SIK3: variants seen among roughly 807,000 people sequenced by gnomAD.
SIK3 encodes the protein serine/threonine-protein kinase SIK3.
A neutral mutation model predicts 144.2 loss-of-function variants in SIK3; 28 were observed. That is an observed-to-expected ratio of 0.19 (90% confidence interval 0.14 to 0.27). The LOEUF (loss-of-function observed/expected upper bound fraction) is 0.27. SIK3 is among the 10% of genes least tolerant of loss of function. The pLI, the probability that SIK3 is intolerant of heterozygous loss-of-function variation, is 1.00. For missense variants in SIK3, 1,319 were observed against 1,776.0 expected (o/e 0.74, Z 4.62); for synonymous variants, 686 against 676.3 (o/e 1.01, Z -0.22).
At chr11:116,920,409 C>T (rs774277025) in intron 4 of SIK3, among the ~76,000 whole-genome samples, 2 of 152,098 alleles carry the variant, frequency 1.3e-5, no homozygotes, top group Non-Finnish European at 2.9e-5. Flanking sequence ...CTTCTTTCTG[C>T]GTGGAATGTT....
chr11:117,046,043 G>C (rs1265070249), intron 1 of SIK3, among the ~76,000 whole-genome samples: 2 of 152,222 alleles, frequency 1.3e-5, no homozygotes, highest in Non-Finnish European at 2.9e-5. Context: ...ACTAGACAAT[G>C]AGAGAAAGCC....
In SIK3 at chr11:116,992,238, T is replaced by C. The variant is rs1950521271; in HGVS notation, c.274-35174A>G. ...TACTCAGGAGGCTGAGGCAAGAGAA[T>C]TGCTTGAACCCAGGAGGTGGAGGCT... On this transcript the variant is annotated intron_variant, in intron 1 of 24. Transcript: ENST00000445177. Among the ~76,000 whole-genome samples, 3 of 151,266 alleles carry C rather than the reference T, an allele frequency of 2.0e-5. No individual in the cohort carries two copies. The South Asian group carries it at 6.3e-4, about 32-fold the overall frequency.
chr11:116,976,859 TAAC>T (rs981546801), intron 1 of SIK3, among the ~76,000 whole-genome samples: 89 of 152,186 alleles, frequency 5.8e-4, no homozygotes, highest in African/African-American at 1.7e-3. Context: ...ATTAGCAAAA[TAAC>T]AACAGGTAAA....
At chr11:117,020,277 T>C (rs12808524) in intron 1 of SIK3, among the ~76,000 whole-genome samples, 67,370 of 122,014 alleles carry the variant, frequency 0.55, 19,223 homozygotes, top group Non-Finnish European at 0.69. Context: ...GGTTCCTGGC[T>C]TAAAGCTCCT....
chr11:116,858,385 A>C lies in SIK3; in HGVS notation c.3080T>G (p.Leu1027Arg). ...CAGCCGGATGTCCGAGTGGCCGGTGAGCGAATGCCGGGGAGAAAGCAGTCC... is the reference window on the plus strand; with the variant it reads ...CAGCCGGATGTCCGAGTGGCCGGTGCGCGAATGCCGGGGAGAAAGCAGTCC... ...LQGLLSPRHS[L>R]TGHSDIRLPP... is the part of the protein sequence containing the mutation. The change falls in exon 21 of 25, where the codon CTC (leucine) becomes CGC (arginine). Residue 1027 changes from leucine (L) to arginine (R), a missense_variant. This residue lies in a region of SIK3 where 646 missense variants were observed against 763.7 expected (regional missense o/e 0.85). Transcript: ENST00000445177. This position sits in a 1 kb window ranked among gnomAD's most constrained non-coding sequence, Gnocchi z 5.4. 2 of 1,613,548 alleles carry C rather than the reference A, an allele frequency of 1.2e-6. No individual in the cohort carries two copies. Among genetic ancestry groups the C allele is most frequent in the Non-Finnish European group, 1.7e-6 (2 of 1,179,760 alleles).
At chr11:117,089,180 C>A (rs1174766976) in intron 1 of SIK3, among the ~76,000 whole-genome samples, 2 of 151,940 alleles carry the variant, frequency 1.3e-5, no homozygotes, top group African/African-American at 4.8e-5. Flanking sequence ...CTGAGGCGGG[C>A]AGATCACGAG....
chr11:116,991,811 T>C (rs924624323), intron 1 of SIK3, among the ~76,000 whole-genome samples: 1 of 152,174 alleles, frequency 6.6e-6, no homozygotes, highest in Non-Finnish European at 1.5e-5. Flanking sequence ...CAATCTCCTA[T>C]CACCAGGTCT....
At chr11:116,950,237 T>C (rs1411081358) in intron 3 of SIK3, 3 of 450,188 alleles carry the variant, frequency 6.7e-6, no homozygotes, top group East Asian at 7.4e-5. Context: ...AGAATGAGAA[T>C]TGCTGATGTC....
chr11:116,898,359 T>G (rs1945541267), intron 4 of SIK3, among the ~76,000 whole-genome samples: 1 of 152,146 alleles, frequency 6.6e-6, no homozygotes, highest in Non-Finnish European at 1.5e-5. Flanking sequence ...CACATTTTCT[T>G]AATCCAGTCT....
intron 1 of SIK3, among the ~76,000 whole-genome samples, chr11:117,067,557 T>G (rs1591643085): frequency 6.6e-6 from 1 of 152,220 alleles, no homozygotes; most frequent in African/African-American, 2.4e-5. Flanking sequence ...TGTAACTTTC[T>G]GCGAGACTGA....
At chr11:117,005,116 C>A (rs2135638450) in intron 1 of SIK3, among the ~76,000 whole-genome samples, 1 of 151,656 alleles carries the variant, frequency 6.6e-6, no homozygotes, top group African/African-American at 2.4e-5. Flanking sequence ...ATGAACTCTT[C>A]TCCTTTTTTA....
At chr11:116,921,769 A>T (rs1946992975) in intron 4 of SIK3, among the ~76,000 whole-genome samples, 2 of 152,240 alleles carry the variant, frequency 1.3e-5, no homozygotes. Flanking sequence ...TGCTACTGCC[A>T]TTAAGAACAC....
intron 1 of SIK3, among the ~76,000 whole-genome samples, chr11:117,037,344 C>T (rs1952552340): frequency 6.6e-6 from 1 of 152,086 alleles, no homozygotes; most frequent in Non-Finnish European, 1.5e-5. Context: ...AAATATATAG[C>T]AATATAATAA....
intron 1 of SIK3, among the ~76,000 whole-genome samples, chr11:117,079,446 C>T (rs2136043422): frequency 6.6e-6 from 1 of 152,320 alleles, no homozygotes; most frequent in East Asian, 1.9e-4. Context: ...TATTACAAGG[C>T]AAGCATTGTG....
chr11:116,956,620 CTG>C (rs1280394462), intron 2 of SIK3, among the ~76,000 whole-genome samples: 1 of 152,124 alleles, frequency 6.6e-6, no homozygotes, highest in African/African-American at 2.4e-5. Context: ...GTTTCCCATC[CTG>C]TGTTAGAACT....
intron 1 of SIK3, among the ~76,000 whole-genome samples, chr11:117,044,037 C>T (rs569706827): frequency 1.3e-5 from 2 of 152,240 alleles, no homozygotes; most frequent in East Asian, 3.9e-4. Flanking sequence ...TTCCCTGAAT[C>T]GATGTTCCTG....
intron 1 of SIK3, among the ~76,000 whole-genome samples, chr11:116,984,050 C>CAA (rs35403684): frequency 0.12 from 9,536 of 80,504 alleles, 624 homozygotes; most frequent in South Asian, 0.22. Flanking sequence ...GACCCTGACT[C>CAA]AAAAAAAAAA....
At chr11:116,853,839 GAAGA>G (rs992707728) in intron 21 of SIK3, among the ~76,000 whole-genome samples, 2 of 152,202 alleles carry the variant, frequency 1.3e-5, no homozygotes, top group Non-Finnish European at 2.9e-5. Flanking sequence ...TACCACTATA[GAAGA>G]AAGACAAACC....
intron 1 of SIK3, among the ~76,000 whole-genome samples, chr11:117,074,931 C>CAAA (rs72127154): frequency 2.6e-5 from 3 of 116,692 alleles, no homozygotes; most frequent in African/African-American, 8.8e-5. Context: ...CGTCTCAAAA[C>CAAA]AAAAAAAAAA....
Sources: allele counts gnomAD v4.1 joint callset (sites outside exome capture counted in the v4.1 genomes callset), GRCh38; gene constraint gnomAD v4.1.1; regional missense constraint gnomAD v4.1.1; non-coding constraint Gnocchi (gnomAD v3.1); transcripts MANE v1.5; gene names NCBI Gene and HGNC (gene_info 2026-07-23, HGNC 2026-07-21).